BARD1: variants seen among roughly 807,000 people sequenced by gnomAD.
BARD1 encodes BRCA1 associated RING domain 1.
In BARD1, 73 loss-of-function variants were observed where a neutral mutation model predicts 77.0. That is an observed-to-expected ratio of 0.95 (90% CI 0.79 to 1.15). The LOEUF (loss-of-function observed/expected upper bound fraction) is 1.15. BARD1 is among the 50% of genes most tolerant of loss of function. The pLI is 0.00. For synonymous variants in BARD1, 384 were observed against 338.0 expected (o/e 1.14, Z -1.49); for missense variants, 993 against 938.8 (o/e 1.06, Z -0.75).
In BARD1 at chr2:214,792,332, T is replaced by A; in HGVS notation, c.329A>T (p.Lys110Met). 1 of 1,613,518 alleles carries A rather than the reference T, an allele frequency of 6.2e-7. No homozygotes were observed. Among genetic ancestry groups the A allele is most frequent in the Non-Finnish European group, 8.5e-7 (1 of 1,179,740 alleles). Reference sequence around the variant, plus strand: ...ATTGTCATGTAGCAAATTTCGAAGCTTACTACAAAGTTGAATCATGCTGTC... The same window carrying A: ...ATTGTCATGTAGCAAATTTCGAAGCATACTACAAAGTTGAATCATGCTGTC... Reference protein sequence around the residue: ...QLDSMIQLCSKLRNLLHDNEL... With the variant: ...QLDSMIQLCSMLRNLLHDNEL... The change falls in exon 3 of 11, where the codon AAG becomes ATG. Residue 110 changes from lysine (K) to methionine (M), a missense_variant. By Grantham distance (95) the Lys-to-Met change is moderately conservative (BLOSUM62 -1). Coordinates refer to ENST00000260947, the MANE Select transcript of BARD1 (RefSeq NM_000465.4).
intron 9 of BARD1, among the ~76,000 whole-genome samples, chr2:214,731,980 T>C (rs1405684784): frequency 2.6e-4 from 40 of 152,258 alleles, no homozygotes; most frequent in Non-Finnish European, 5.9e-5. Flanking sequence ...AGTTCAGAGT[T>C]ACACATAGTT....
intron 4 of BARD1, among the ~76,000 whole-genome samples, chr2:214,779,889 T>C (rs1028206602): frequency 6.6e-6 from 1 of 152,224 alleles, no homozygotes; most frequent in Non-Finnish European, 1.5e-5. Context: ...CTGCTCTATT[T>C]CACATGTAGT....
intron 9 of BARD1, among the ~76,000 whole-genome samples, chr2:214,743,477 C>T (rs527878614): frequency 6.6e-6 from 1 of 152,340 alleles, no homozygotes; most frequent in East Asian, 1.9e-4. Context: ...ACAGAGATGT[C>T]CCACGTACTT....
chr2:214,809,265 T>A (rs759220421), intron 1 of BARD1, 147 bp downstream of exon 1: 1 of 1,107,172 alleles, frequency 9.0e-7, no homozygotes. Flanking sequence ...GTTAATACTA[T>A]ATCCCCCGGC....
chr2:214,782,164 A>G (rs1180694115), intron 3 of BARD1, among the ~76,000 whole-genome samples: 1 of 152,210 alleles, frequency 6.6e-6, no homozygotes, highest in Non-Finnish European at 1.5e-5. Context: ...TTTAGGTATC[A>G]TCTAATATTA....
At chr2:214,801,854 G>C (rs916883371) in intron 1 of BARD1, among the ~76,000 whole-genome samples, 3 of 148,974 alleles carry the variant, frequency 2.0e-5, no homozygotes, top group Admixed American at 6.7e-5. Flanking sequence ...TTTGGCGGGG[G>C]GGGGGGTTGT....
At position 214,730,482 on chromosome 2, in the gene BARD1, C is replaced by T. The variant is rs2105990789; in HGVS notation, c.1930G>A (p.Val644Ile). 6.2e-7 allele frequency: 1 copy of T among 1,613,980 alleles called. No individual in the cohort carries two copies. The highest frequency in any genetic ancestry group is 8.5e-7 in the Non-Finnish European group (1 of 1,179,976). ...TCATACTTTTCTTCCTGTTCACATA[C>T]TTTTCTTCGTAGACATGCTTTTACC... is the stretch of plus-strand genomic sequence containing the variant. ...EWVKACLRRKVCEQEEKYEIP... is the reference protein window; with the variant it reads ...EWVKACLRRKICEQEEKYEIP... The change falls in exon 10 of 11, where the codon GTA becomes ATA. Residue 644 changes from valine (V) to isoleucine (I), a missense_variant. Physicochemically the swap from Val to Ile is conservative, Grantham distance 29 (BLOSUM62 3). Coordinates refer to ENST00000260947, the MANE Select transcript of BARD1 (RefSeq NM_000465.4).
chr2:214,766,862 G>A (rs1033683557), intron 6 of BARD1, among the ~76,000 whole-genome samples: 1 of 151,830 alleles, frequency 6.6e-6, no homozygotes, highest in Non-Finnish European at 1.5e-5. Flanking sequence ...AGTTGTGAAG[G>A]TTTGTTATAT....
chr2:214,745,012 T>C, intron 9 of BARD1, 55 bp downstream of exon 9: 1 of 1,478,810 alleles, frequency 6.8e-7, no homozygotes, highest in Non-Finnish European at 9.4e-7. Context: ...TTAATAACCA[T>C]GAAAAACAAA....
chr2:214,731,622 T>TAA (rs2105992980), intron 9 of BARD1, among the ~76,000 whole-genome samples: 1 of 152,348 alleles, frequency 6.6e-6, no homozygotes, highest in East Asian at 1.9e-4. Flanking sequence ...AGAAGCATTC[T>TAA]AAAAACTAGA....
In BARD1 at chr2:214,797,326, C is replaced by T. The variant is rs557233526; in HGVS notation, c.159-209G>A. 4.6e-5 allele frequency among the ~76,000 whole-genome samples: 7 copies of T among 152,298 alleles called. No homozygotes were observed. The South Asian group carries it at 1.4e-3, about 32-fold the overall frequency. On this transcript the variant is annotated intron_variant, in intron 1 of 10. Coordinates refer to ENST00000260947, the MANE Select transcript of BARD1 (RefSeq NM_000465.4). ...ATGATTTTAAATAGTAACCACCAAA[C>T]TGGGTACAAGTTGTAATACATTTTA...
chr2:214,733,974 C>T (rs917147491), intron 9 of BARD1, among the ~76,000 whole-genome samples: 1 of 152,032 alleles, frequency 6.6e-6, no homozygotes, highest in African/African-American at 2.4e-5. Flanking sequence ...TCAGCTTTTC[C>T]CTCTTTTCCT....
At chr2:214,796,815 C>T in intron 2 of BARD1, 1 of 493,804 alleles carries the variant, frequency 2.0e-6, no homozygotes, top group Non-Finnish European at 3.6e-6. Flanking sequence ...TTTTTTTCCT[C>T]CAATTTGGCA....
At chr2:214,743,136 T>C (rs1692922573) in intron 9 of BARD1, among the ~76,000 whole-genome samples, 1 of 152,192 alleles carries the variant, frequency 6.6e-6, no homozygotes, top group Admixed American at 6.5e-5. Flanking sequence ...GCCTCTTAGC[T>C]GGATCAGACT....
At chr2:214,757,974 A>G (rs1369831478) in intron 6 of BARD1, among the ~76,000 whole-genome samples, 1 of 152,214 alleles carries the variant, frequency 6.6e-6, no homozygotes, top group Non-Finnish European at 1.5e-5. Flanking sequence ...AGTGAGAGAA[A>G]GAGAGGGAAT....
At chr2:214,763,652 C>A (rs1229188252) in intron 6 of BARD1, among the ~76,000 whole-genome samples, 1 of 152,102 alleles carries the variant, frequency 6.6e-6, no homozygotes, top group Admixed American at 6.6e-5. Flanking sequence ...ACCCTTCTTC[C>A]ATGGGAAGAG....
Position 214,726,616 on chromosome 2 carries a change from A to G in BARD1, c.*2060T>C. 4.3e-6 allele frequency: 1 copy of G among 230,154 alleles called. No individual in the cohort carries two copies. The highest frequency in any genetic ancestry group is 8.6e-6 in the Non-Finnish European group (1 of 116,132). The allele number at this position is 230,154 out of a possible 1,614,324, so 14.3% of individuals were successfully genotyped here. On this transcript the variant is annotated 3_prime_UTR_variant, in exon 11 of 11. Coordinates refer to ENST00000260947, the MANE Select transcript of BARD1 (RefSeq NM_000465.4). ...ACAGCACAGAATAAGCCAATTTTAT[A>G]CAAGACACAGGTATATGGAAACACA...
intron 4 of BARD1, among the ~76,000 whole-genome samples, chr2:214,772,991 C>A (rs1164737364): frequency 6.6e-6 from 1 of 152,056 alleles, no homozygotes; most frequent in Admixed American, 6.6e-5. Context: ...AAGTATTTGC[C>A]AAGGCTTATT....
intron 4 of BARD1, 125 bp from the exon 5 acceptor site, chr2:214,769,437 G>C: frequency 1.3e-6 from 1 of 773,196 alleles, no homozygotes; most frequent in South Asian, 1.5e-5. Flanking sequence ...TAAGGCTACT[G>C]TTCATGAGTT....
Sources: gnomAD v4.1 joint callset for allele counts (sites outside exome capture counted in the v4.1 genomes callset) on GRCh38, gnomAD v4.1.1 for gene constraint, MANE v1.5 for transcripts, NCBI Gene and HGNC (gene_info 2026-07-23, HGNC 2026-07-21) for gene names.